The following HEG1 variants were observed in gnomAD, a reference collection of about 807,000 sequenced individuals.
HEG1 encodes the protein protein HEG homolog 1.
HEG1 carries 56 observed loss-of-function variants against 125.6 expected under a neutral mutation model. The ratio of observed to expected loss-of-function variants is 0.45; its 90% CI spans 0.36 to 0.56. The LOEUF is 0.56. Among genes scored for constraint, HEG1 ranks in the 20% least tolerant of loss-of-function variants. The pLI, the probability that HEG1 is intolerant of heterozygous loss-of-function variation, is 0.00. For synonymous variants in HEG1, 644 were observed against 668.5 expected (o/e 0.96, Z 0.57); for missense variants, 1,523 against 1,670.0 (o/e 0.91, Z 1.53).
intron 12 of HEG1, among the ~76,000 whole-genome samples, chr3:124,993,544 A>G (rs1936866174): frequency 6.6e-6 from 1 of 152,052 alleles, no homozygotes; most frequent in Non-Finnish European, 1.5e-5. Context: ...AGGACGTGGG[A>G]GTGGGGGAAG....
At chr3:124,985,631 T>C (rs774462671) in intron 14 of HEG1, among the ~76,000 whole-genome samples, 6 of 152,156 alleles carry the variant, frequency 3.9e-5, no homozygotes, top group Non-Finnish European at 7.4e-5. Context: ...GAATCTGGGA[T>C]ATAAACAGAG....
Position 125,020,845 on chromosome 3 carries a change from G to C in HEG1, c.1199C>G (p.Ser400Cys), listed in dbSNP as rs757938515. The change falls in exon 4 of 17, where the codon TCC becomes TGC. Residue 400 changes from serine (S) to cysteine (C), a missense_variant. By Grantham distance (112) the Ser-to-Cys change is moderately radical. Coordinates refer to ENST00000311127, the MANE Select transcript of HEG1 (RefSeq NM_020733.2). ...NPGDEEFIEP[S>C]TENEFGLTSL... is the part of the protein sequence containing the mutation. ...CGTAAGTCCAAATTCATTTTCTGTG[G>C]ATGGTTCAATGAATTCCTCATCCCC... 1.9e-5 allele frequency: 31 copies of C among 1,613,876 alleles called. No homozygotes were observed. Among genetic ancestry groups the C allele is most frequent in the Non-Finnish European group, 2.4e-5 (28 of 1,179,892 alleles).
Position 125,029,260 on chromosome 3 carries a change from G to A in HEG1, c.545C>T (p.Thr182Ile), listed in dbSNP as rs1937461020. The change falls in exon 2 of 17, where the codon ACC becomes ATC. Residue 182 changes from threonine to isoleucine, a missense_variant. By Grantham distance (89) the Thr-to-Ile change is moderately conservative (BLOSUM62 -1). Transcript: ENST00000311127. ...CAGTGAGTACCCAACAGGCAAAATG[G>A]TGAAGTTTGTTCTACTTGAAGAGCC... The part of the protein sequence containing the change: ...RSGSSSRTNF[T>I]ILPVGYSLEI... 6.2e-7 allele frequency: 1 copy of A among 1,613,598 alleles called. No individual in the cohort carries two copies. The highest frequency in any genetic ancestry group is 8.5e-7 in the Non-Finnish European group (1 of 1,179,730).
chr3:125,029,307 T>C lies in HEG1; in HGVS notation c.498A>G (p.Thr166=). The change falls in exon 2 of 17, where the codon ACA becomes ACG. Residue 166 remains threonine, a synonymous_variant. Coordinates refer to ENST00000311127, the MANE Select transcript of HEG1 (RefSeq NM_020733.2). ...AGCCGCTCCTTCCTCTAGCATCTGCTGTTTCAGCGAGTAGAGTGAGGTTTT... is the reference window on the plus strand; with the variant it reads ...AGCCGCTCCTTCCTCTAGCATCTGCCGTTTCAGCGAGTAGAGTGAGGTTTT... The part of the protein sequence containing the change: ...APENLTLLAE[T]ADARGRSGSS... 3 of 1,614,032 alleles carry C rather than the reference T, an allele frequency of 1.9e-6. No individual in the cohort carries two copies. Among genetic ancestry groups the C allele is most frequent in the Non-Finnish European group, 2.5e-6 (3 of 1,179,896 alleles).
intron 14 of HEG1, among the ~76,000 whole-genome samples, chr3:124,987,646 G>A (rs1181255753): frequency 6.8e-6 from 1 of 148,008 alleles, no homozygotes; most frequent in Non-Finnish European, 1.5e-5. Flanking sequence ...TCAGCCTCCT[G>A]AGTAGCTGGA....
intron 1 of HEG1, among the ~76,000 whole-genome samples, chr3:125,034,433 TA>T (rs63351560): frequency 0.5 from 75,249 of 151,828 alleles, 18,976 homozygotes; most frequent in Middle Eastern, 0.63. Context: ...ATTCTAGAAA[TA>T]AAAAAAGTAA....
At chr3:124,975,809 C>A (rs1015061805) in intron 15 of HEG1, among the ~76,000 whole-genome samples, 3 of 152,204 alleles carry the variant, frequency 2.0e-5, no homozygotes, top group African/African-American at 7.2e-5. Flanking sequence ...TGGCTTGTTT[C>A]ACTTAGCGTA....
At position 124,969,481 on chromosome 3, in the gene HEG1, C is replaced by T. The variant is rs994703630; in HGVS notation, c.*1171G>A. 3.3e-5 allele frequency: 5 copies of T among 152,074 alleles called. No individual in the cohort carries two copies. The highest frequency in any genetic ancestry group is 5.9e-5 in the Non-Finnish European group (4 of 68,030). 9.4% of individuals were successfully genotyped at this position (152,074 alleles called of 1,614,324 possible). A position where few individuals can be genotyped will look rare whatever the true frequency, so the allele number is the denominator to read the frequency against. On this transcript the variant is annotated 3_prime_UTR_variant, in exon 17 of 17. Transcript: ENST00000311127. ...GAGAAAAAAAAGTTATTTCTTCAGC[C>T]GAATAAACAGCTTTGAGTGGTTGAA...
At chr3:125,022,033 C>T (rs982676976) in intron 3 of HEG1, among the ~76,000 whole-genome samples, 10 of 152,184 alleles carry the variant, frequency 6.6e-5, no homozygotes, top group African/African-American at 2.4e-4. Context: ...AAGGTGTAGT[C>T]TGCTCCACAT....
intron 3 of HEG1, among the ~76,000 whole-genome samples, chr3:125,023,173 C>CAG (rs1308277602): frequency 6.6e-6 from 1 of 151,824 alleles, no homozygotes; most frequent in Non-Finnish European, 1.5e-5. Flanking sequence ...CAGCCTGAGC[C>CAG]AGAGAGAGAG....
intron 6 of HEG1, among the ~76,000 whole-genome samples, chr3:125,010,768 A>C (rs762566291): frequency 1.7e-4 from 26 of 152,376 alleles, no homozygotes; most frequent in Middle Eastern, 3.4e-3. Flanking sequence ...TAAGTGTCAG[A>C]CAATGGGATC....
chr3:125,016,824 C>A (rs1163597931), intron 5 of HEG1, among the ~76,000 whole-genome samples: 1 of 152,184 alleles, frequency 6.6e-6, no homozygotes, highest in Non-Finnish European at 1.5e-5. Context: ...TCAGAATATA[C>A]TTTACATTGA....
At chr3:125,017,406 T>C (rs140812616) in intron 5 of HEG1, among the ~76,000 whole-genome samples, 1,588 of 152,310 alleles carry the variant, frequency 0.01, 21 homozygotes, top group African/African-American at 0.035. Context: ...CCAATTTTAA[T>C]AGTCAAAAGA....
intron 1 of HEG1, among the ~76,000 whole-genome samples, chr3:125,032,764 A>G (rs376663193): frequency 6.6e-6 from 1 of 152,210 alleles, no homozygotes; most frequent in South Asian, 2.1e-4. Context: ...CTCAAAACCC[A>G]TGCCCCAAAG....
chr3:125,046,636 A>C (rs1463465508), intron 1 of HEG1, among the ~76,000 whole-genome samples: 1 of 152,156 alleles, frequency 6.6e-6, no homozygotes, highest in Non-Finnish European at 1.5e-5. Context: ...ATAATGATAC[A>C]TTTCCATCCC....
intron 1 of HEG1, among the ~76,000 whole-genome samples, chr3:125,041,669 C>T (rs898763593): frequency 3.3e-5 from 5 of 152,150 alleles, no homozygotes; most frequent in Non-Finnish European, 5.9e-5. Flanking sequence ...CAGGATTATT[C>T]ACAACAGCTA....
intron 1 of HEG1, among the ~76,000 whole-genome samples, chr3:125,049,131 A>C (rs1000891873): frequency 6.6e-6 from 1 of 152,184 alleles, no homozygotes; most frequent in Non-Finnish European, 1.5e-5. Flanking sequence ...GAGTCCCACT[A>C]AACAGTTCAG....
chr3:124,979,174 A>G (rs1936607212), intron 14 of HEG1, among the ~76,000 whole-genome samples: 2 of 151,842 alleles, frequency 1.3e-5, no homozygotes, highest in African/African-American at 4.8e-5. Flanking sequence ...CTGATCTCGA[A>G]CTCCTAACCT....
chr3:124,970,461 G>T lies in HEG1; in HGVS notation c.*191C>A. 1.7e-6 allele frequency: 1 copy of T among 583,022 alleles called. No homozygotes were observed. Among genetic ancestry groups the T allele is most frequent in the Non-Finnish European group, 3.1e-6 (1 of 326,948 alleles). 36.1% of individuals were successfully genotyped at this position (583,022 alleles called of 1,614,324 possible). On this transcript the variant is annotated 3_prime_UTR_variant, in exon 17 of 17. Coordinates refer to ENST00000311127, the MANE Select transcript of HEG1 (RefSeq NM_020733.2). ...CGTTCACAGTAACAACAAAGGTGCTGAATGAGCAGCCTGTGGTTCCACATC... is the reference window on the plus strand; with the variant it reads ...CGTTCACAGTAACAACAAAGGTGCTTAATGAGCAGCCTGTGGTTCCACATC...
Sources: allele counts gnomAD v4.1 joint callset (sites outside exome capture counted in the v4.1 genomes callset), GRCh38; gene constraint gnomAD v4.1.1; transcripts MANE v1.5; gene names NCBI Gene and HGNC (gene_info 2026-07-23, HGNC 2026-07-21).